Variants in ASIC2 observed in about 807,000 individuals in gnomAD.
ASIC2 encodes acid-sensing ion channel 2.
A neutral mutation model predicts 57.3 loss-of-function variants in ASIC2; 25 were observed. The observed-to-expected ratio is 0.44, with a 90% CI of 0.32 to 0.61. The LOEUF (loss-of-function observed/expected upper bound fraction) is 0.61, where lower values mean the gene tolerates loss of function less well. Ranked by LOEUF, ASIC2 falls within the 20% of genes least tolerant of loss-of-function variation. The probability of loss-of-function intolerance (pLI) is 0.06; values close to 1 mark genes in which losing one functional copy is unlikely to be tolerated. For synonymous variants in ASIC2, 319 were observed against 307.5 expected, an observed-to-expected ratio of 1.04 and a Z score of -0.39; for missense variants, 641 against 738.1, an observed-to-expected ratio of 0.87 and a Z score of 1.52.
rs139744216 is a variant in ASIC2 at position 33,035,543 on chromosome 17, G to C, written c.988-7151C>G. 2.0e-5 allele frequency among the ~76,000 whole-genome samples: 3 copies of C among 152,306 alleles called. No individual in the cohort carries two copies. The East Asian group carries it at 5.8e-4, about 29-fold the overall frequency. ...GAGACATTATTTAAGGCTTTGTTTA[G>C]AGATAGGTATATTTTAGTTTTGTCT... On this transcript the variant is annotated intron_variant, in intron 3 of 9. Transcript: ENST00000225823.
chr17:33,326,775 C>T (rs1013972837), intron 1 of ASIC2, among the ~76,000 whole-genome samples: 6 of 152,192 alleles, frequency 3.9e-5, no homozygotes, highest in African/African-American at 1.2e-4. Flanking sequence ...CTGCCTTGTC[C>T]CCATTTCCAA....
intron 1 of ASIC2, among the ~76,000 whole-genome samples, chr17:33,162,335 G>C (rs1905186185): frequency 6.6e-6 from 1 of 152,028 alleles, no homozygotes; most frequent in Non-Finnish European, 1.5e-5. Context: ...CAGCGTTTTG[G>C]GCCAAAAAGC....
intron 1 of ASIC2, among the ~76,000 whole-genome samples, chr17:33,820,584 G>A (rs1416763400): frequency 6.6e-6 from 1 of 151,788 alleles, no homozygotes; most frequent in Admixed American, 6.6e-5. Flanking sequence ...TTGTTCTAAG[G>A]GTAAAAGTGT....
At chr17:33,981,587 C>T (rs540486455) in intron 1 of ASIC2, among the ~76,000 whole-genome samples, 37 of 150,878 alleles carry the variant, frequency 2.5e-4, no homozygotes, top group African/African-American at 4.6e-4. Context: ...GTTCTTTCCT[C>T]TCTTGCACAG....
intron 4 of ASIC2, 111 bp from the exon 5 acceptor site, chr17:33,026,093 C>A (rs2091858335): frequency 2.6e-6 from 3 of 1,169,454 alleles, no homozygotes; most frequent in Non-Finnish European, 3.7e-6. Context: ...GTTGAAGGGG[C>A]AGCGGCCTGC....
chr17:33,316,628 A>T (rs1021163929), intron 1 of ASIC2, among the ~76,000 whole-genome samples: 2 of 152,170 alleles, frequency 1.3e-5, no homozygotes, highest in Admixed American at 1.3e-4. Flanking sequence ...CATCCTACTC[A>T]GTCTGTTAGC....
chr17:33,386,030 G>A (rs958426864), intron 1 of ASIC2, among the ~76,000 whole-genome samples: 6 of 152,124 alleles, frequency 3.9e-5, no homozygotes, highest in East Asian at 1.9e-4. Flanking sequence ...TACACATAAC[G>A]TGATATTTAC....
chr17:33,232,415 G>C (rs1908129721), intron 1 of ASIC2, among the ~76,000 whole-genome samples: 1 of 146,660 alleles, frequency 6.8e-6, no homozygotes, highest in African/African-American at 2.6e-5. Context: ...GAATGGTATG[G>C]TATGGTATGG....
intron 1 of ASIC2, among the ~76,000 whole-genome samples, chr17:33,128,766 T>C (rs1313011516): frequency 2.0e-5 from 3 of 152,222 alleles, no homozygotes; most frequent in Non-Finnish European, 2.9e-5. Flanking sequence ...AGTGAAGCAA[T>C]GTCAGCTACC....
chr17:33,037,376 G>A (rs1338908268), intron 3 of ASIC2, among the ~76,000 whole-genome samples: 1 of 148,768 alleles, frequency 6.7e-6, no homozygotes, highest in Admixed American at 6.8e-5. Flanking sequence ...TTCAGGGTCA[G>A]CCACTTCCCC....
At chr17:33,257,003 T>G (rs1204192422) in intron 1 of ASIC2, among the ~76,000 whole-genome samples, 2 of 152,168 alleles carry the variant, frequency 1.3e-5, no homozygotes, top group Admixed American at 1.3e-4. Flanking sequence ...CTACAGCAGG[T>G]GCAGGTGCAG....
At chr17:34,025,009 C>T (rs929361290) in intron 1 of ASIC2, among the ~76,000 whole-genome samples, 4 of 152,190 alleles carry the variant, frequency 2.6e-5, no homozygotes, top group Admixed American at 1.3e-4. Flanking sequence ...AACATGGGGC[C>T]TCTTGGAGGC....
chr17:33,669,866 C>A (rs1189416731), intron 1 of ASIC2, among the ~76,000 whole-genome samples: 1 of 152,070 alleles, frequency 6.6e-6, no homozygotes, highest in Non-Finnish European at 1.5e-5. Flanking sequence ...TATCAGGCAC[C>A]CATAAGACAA....
At position 34,144,993 on chromosome 17, in the gene ASIC2, G is replaced by C. The variant is rs115044177; in HGVS notation, c.555+10985C>G. ...CTCAGTCTCTGCAGCCCTCCACATG[G>C]AACCCGGCCATGCCCAACCACAACC... On this transcript the variant is annotated intron_variant, in intron 1 of 9. Coordinates refer to the ASIC2 transcript ENST00000359872. Among the ~76,000 whole-genome samples the C allele has an allele frequency of 9.6e-3, 1,468 of 152,230 alleles. 26 individuals carry two copies. The highest frequency in any genetic ancestry group is 0.034 in the African/African-American group (1,412 of 41,528).
intron 1 of ASIC2, among the ~76,000 whole-genome samples, chr17:33,915,342 C>T (rs1396418836): frequency 6.6e-6 from 1 of 152,160 alleles, no homozygotes; most frequent in African/African-American, 2.4e-5. Context: ...TGAATGGGCC[C>T]CACCTCCCTC....
intron 1 of ASIC2, among the ~76,000 whole-genome samples, chr17:34,006,942 C>T (rs935152683): frequency 2.0e-5 from 3 of 152,290 alleles, no homozygotes; most frequent in East Asian, 1.9e-4. Context: ...GCAGCTAAAA[C>T]GCCTGATCAT....
rs1255666665 is a variant in ASIC2, at chr17:34,103,085, CTATT to C, written c.555+52889_555+52892del. 4.6e-5 allele frequency among the ~76,000 whole-genome samples: 7 copies of C among 152,182 alleles called. No homozygotes were observed. The South Asian group carries it at 1.0e-3, about 23-fold the overall frequency. ...ATGCTTTGAAAATATTTTCTTAAGT[CTATT>C]TATTTTCTATAACAATGATATATTT... On this transcript the variant is annotated intron_variant, in intron 1 of 9. Coordinates refer to the ASIC2 transcript ENST00000359872.
At chr17:34,008,883 G>A (rs1037347711) in intron 1 of ASIC2, among the ~76,000 whole-genome samples, 4 of 152,204 alleles carry the variant, frequency 2.6e-5, no homozygotes, top group Non-Finnish European at 5.9e-5. Flanking sequence ...CTATCAGAGT[G>A]GAGATTATGG....
intron 1 of ASIC2, among the ~76,000 whole-genome samples, chr17:33,762,257 C>G (rs949590859): frequency 6.6e-6 from 1 of 152,026 alleles, no homozygotes; most frequent in Non-Finnish European, 1.5e-5. Context: ...TCCTGGGACC[C>G]AAAAGACCTC....
Sources: allele counts gnomAD v4.1 joint callset (sites outside exome capture counted in the v4.1 genomes callset), GRCh38; gene constraint gnomAD v4.1.1; transcripts MANE v1.5; gene names NCBI Gene and HGNC (gene_info 2026-07-23, HGNC 2026-07-21).